MTSS1: variants seen among roughly 807,000 people sequenced by gnomAD.
MTSS1 encodes the protein MTSS I-BAR domain containing 1.
MTSS1 carries 18 observed loss-of-function variants against 79.0 expected under a neutral mutation model. The observed-to-expected ratio is 0.23, with a 90% confidence interval of 0.16 to 0.34. MTSS1 has a LOEUF of 0.34. Among genes scored for constraint, MTSS1 ranks in the 10% least tolerant of loss-of-function variants. The pLI, the probability that MTSS1 is intolerant of heterozygous loss-of-function variation, is 1.00. For missense variants in MTSS1, 815 were observed against 986.2 expected, an observed-to-expected ratio of 0.83 and a Z score of 2.33; for synonymous variants, 341 against 368.6, an observed-to-expected ratio of 0.93 and a Z score of 0.86.
chr8:124,717,120 G>GC (rs1361069092), intron 1 of MTSS1, among the ~76,000 whole-genome samples: 1 of 151,794 alleles, frequency 6.6e-6, no homozygotes, highest in Non-Finnish European at 1.5e-5. Context: ...CTCACCCCCT[G>GC]CCCACATCTT....
intron 3 of MTSS1, among the ~76,000 whole-genome samples, chr8:124,640,355 G>A (rs377603132): frequency 3.1e-4 from 47 of 152,290 alleles, no homozygotes; most frequent in African/African-American, 1.1e-3. Flanking sequence ...TTACTGGAAC[G>A]GAAAACATTC....
At chr8:124,723,475 A>C (rs12676927) in intron 1 of MTSS1, among the ~76,000 whole-genome samples, 3 of 150,930 alleles carry the variant, frequency 2.0e-5, no homozygotes, top group African/African-American at 7.3e-5. Flanking sequence ...GTTCCAAAAA[A>C]TTTGACTAAA....
intron 3 of MTSS1, among the ~76,000 whole-genome samples, chr8:124,632,288 A>AG (rs1260150556): frequency 2.0e-5 from 3 of 151,662 alleles, no homozygotes; most frequent in African/African-American, 7.3e-5. Flanking sequence ...TCAAAAAAAA[A>AG]AAAAAAAAAA....
Position 124,727,796 on chromosome 8 carries a change from C to G in MTSS1, c.72+88G>C. 1 of 1,206,456 alleles carries G rather than the reference C, an allele frequency of 8.3e-7. No homozygotes were observed. The highest frequency in any genetic ancestry group is 1.1e-6 in the Non-Finnish European group (1 of 903,590). The allele number at this position is 1,206,456 out of a possible 1,614,324, so 74.7% of individuals were successfully genotyped here. ...CGGTGGCCACACTGCAGGGAAGGGCCGGGTGCCCGGCCCGGGGTGGAGGCG... is the reference window on the plus strand; with the variant it reads ...CGGTGGCCACACTGCAGGGAAGGGCGGGGTGCCCGGCCCGGGGTGGAGGCG... On this transcript the variant is annotated intron_variant, in intron 1 of 13. Transcript: ENST00000518547. The surrounding 1 kb of genome is among the most constrained non-coding windows in gnomAD (Gnocchi z 4.7).
At chr8:124,601,214 C>T (rs749246463) in intron 3 of MTSS1, among the ~76,000 whole-genome samples, 1 of 151,986 alleles carries the variant, frequency 6.6e-6, no homozygotes, top group Non-Finnish European at 1.5e-5. Context: ...GCGCCCACCA[C>T]CATGCCTGAC....
intron 6 of MTSS1, among the ~76,000 whole-genome samples, chr8:124,569,993 A>C (rs1827396216): frequency 6.6e-6 from 1 of 152,182 alleles, no homozygotes; most frequent in South Asian, 2.1e-4. Context: ...GCAATGAACC[A>C]TTTGGTCTGA....
chr8:124,662,202 C>T (rs140039955), intron 3 of MTSS1, among the ~76,000 whole-genome samples: 44 of 152,108 alleles, frequency 2.9e-4, no homozygotes, highest in African/African-American at 7.7e-4. Flanking sequence ...GCTATAATTC[C>T]GGGTGCCTAC....
chr8:124,666,627 C>T (rs1445478308), intron 3 of MTSS1, among the ~76,000 whole-genome samples: 2 of 152,096 alleles, frequency 1.3e-5, no homozygotes, highest in African/African-American at 4.8e-5. Context: ...GGAGGCAGTC[C>T]ATAGCTGTCT....
intron 5 of MTSS1, among the ~76,000 whole-genome samples, chr8:124,587,371 G>C (rs549657341): frequency 8.5e-5 from 13 of 152,338 alleles, no homozygotes; most frequent in Admixed American, 5.2e-4. Flanking sequence ...GAAAAGTACA[G>C]ATGGATAAAT....
chr8:124,674,064 T>C (rs1824813715), intron 3 of MTSS1, among the ~76,000 whole-genome samples: 2 of 152,208 alleles, frequency 1.3e-5, no homozygotes, highest in Non-Finnish European at 2.9e-5. Flanking sequence ...CACAAGGCTC[T>C]TCCCTGAACC....
At chr8:124,589,239 C>A (rs1416272998) in intron 5 of MTSS1, among the ~76,000 whole-genome samples, 1 of 152,044 alleles carries the variant, frequency 6.6e-6, no homozygotes, top group Non-Finnish European at 1.5e-5. Context: ...ACATGTTGGC[C>A]AGGCTGGTCT....
chr8:124,623,639 G>A (rs1814051916), intron 3 of MTSS1, among the ~76,000 whole-genome samples: 2 of 152,090 alleles, frequency 1.3e-5, no homozygotes, highest in Non-Finnish European at 2.9e-5. Flanking sequence ...TTGTTTGTTT[G>A]TTTGTTTGTT....
At chr8:124,568,807 T>C in intron 6 of MTSS1, 1 of 1,443,242 alleles carries the variant, frequency 6.9e-7, no homozygotes, top group South Asian at 1.5e-5. Flanking sequence ...CTTCTCACAC[T>C]GCACAACCCC....
At chr8:124,593,168 T>C (rs1832144472) in intron 3 of MTSS1, among the ~76,000 whole-genome samples, 1 of 152,358 alleles carries the variant, frequency 6.6e-6, no homozygotes, top group South Asian at 2.1e-4. Flanking sequence ...CTCCAAGTTC[T>C]GAGCTTTTTA....
At chr8:124,634,176 T>C (rs1378107509) in intron 3 of MTSS1, among the ~76,000 whole-genome samples, 3 of 151,788 alleles carry the variant, frequency 2.0e-5, no homozygotes, top group Non-Finnish European at 4.4e-5. Context: ...GATGTAATCA[T>C]GGCTGTCACT....
chr8:124,724,627 A>G (rs550577235), intron 1 of MTSS1, among the ~76,000 whole-genome samples: 7 of 152,202 alleles, frequency 4.6e-5, no homozygotes, highest in Non-Finnish European at 1.0e-4. Flanking sequence ...AAGAAGAAAG[A>G]CATCCGCAGA....
At chr8:124,678,625 C>T (rs1825677276) in intron 3 of MTSS1, among the ~76,000 whole-genome samples, 1 of 152,186 alleles carries the variant, frequency 6.6e-6, no homozygotes, top group Admixed American at 6.5e-5. Flanking sequence ...CACAGGAAAA[C>T]CCACCCTTGT....
chr8:124,586,661 T>C (rs1464997908), intron 5 of MTSS1, among the ~76,000 whole-genome samples: 1 of 152,082 alleles, frequency 6.6e-6, no homozygotes, highest in Non-Finnish European at 1.5e-5. Flanking sequence ...ATCGAAAAGA[T>C]GAAGGAAGTG....
chr8:124,557,171 TGTTAA>T (rs2131807400), intron 11 of MTSS1, among the ~76,000 whole-genome samples: 2 of 152,328 alleles, frequency 1.3e-5, no homozygotes, highest in African/African-American at 4.8e-5. Flanking sequence ...CTGCGTGTAC[TGTTAA>T]GTTCAACATG....
Sources: gnomAD v4.1 joint callset for allele counts (sites outside exome capture counted in the v4.1 genomes callset) on GRCh38, gnomAD v4.1.1 for gene constraint, Gnocchi (gnomAD v3.1) non-coding constraint, MANE v1.5 for transcripts, NCBI Gene and HGNC (gene_info 2026-07-23, HGNC 2026-07-21) for gene names.